The following MINDY4 variants were observed in gnomAD, a reference collection of about 807,000 sequenced individuals.
The protein encoded by MINDY4 is MINDY lysine 48 deubiquitinase 4.
In MINDY4, 68 loss-of-function variants were observed where a neutral mutation model predicts 87.0. The observed-to-expected ratio is 0.78, with a 90% CI of 0.64 to 0.96. The LOEUF (loss-of-function observed/expected upper bound fraction) is 0.96, where lower values mean the gene tolerates loss of function less well. Ranked by LOEUF, MINDY4 falls within the 40% of genes least tolerant of loss-of-function variation. MINDY4 has a pLI of 0.00. For synonymous variants in MINDY4, 379 were observed against 363.2 expected, an observed-to-expected ratio of 1.04 and a Z score of -0.50; for missense variants, 919 against 928.2, an observed-to-expected ratio of 0.99 and a Z score of 0.13.
At chr7:30,865,360 C>T (rs1403023074) in intron 13 of MINDY4, among the ~76,000 whole-genome samples, 1 of 152,248 alleles carries the variant, frequency 6.6e-6, no homozygotes, top group Non-Finnish European at 1.5e-5. Flanking sequence ...GCAGAGGCCC[C>T]ACTAATGAAG....
At chr7:30,795,216 A>G (rs77505573) in intron 5 of MINDY4, among the ~76,000 whole-genome samples, 12,654 of 152,252 alleles carry the variant, frequency 0.083, 859 homozygotes, top group South Asian at 0.17. Context: ...AACTCAAAAC[A>G]CACCATGCTG....
chr7:30,791,684 C>A, intron 5 of MINDY4, 110 bp downstream of exon 5: 1 of 1,184,714 alleles, frequency 8.4e-7, no homozygotes, highest in East Asian at 2.5e-5. Context: ...CTTGGTCTCT[C>A]AGAACAAGCC....
chr7:30,836,881 A>G (rs1170503382), intron 7 of MINDY4, 117 bp downstream of exon 7: 1 of 784,962 alleles, frequency 1.3e-6, no homozygotes, highest in African/African-American at 1.7e-5. Context: ...CATTGTTGAA[A>G]TGGAAATTTG....
chr7:30,840,732 C>T (rs372221260), intron 8 of MINDY4, 28 bp from the exon 9 acceptor site: 50 of 1,610,040 alleles, frequency 3.1e-5, no homozygotes, highest in Non-Finnish European at 4.0e-5. Context: ...CCAGTTCTCA[C>T]TGGCAGCAAT....
At chr7:30,867,173 G>T (rs1023015335) in intron 13 of MINDY4, among the ~76,000 whole-genome samples, 1 of 152,270 alleles carries the variant, frequency 6.6e-6, no homozygotes, top group Non-Finnish European at 1.5e-5. Context: ...ACACCCATTG[G>T]TTCTGACTCA....
chr7:30,863,688 C>T (rs1243950490), intron 13 of MINDY4, among the ~76,000 whole-genome samples: 2 of 152,180 alleles, frequency 1.3e-5, no homozygotes, highest in Admixed American at 1.3e-4. Context: ...CCGACCACTG[C>T]CTGCCTGGCC....
intron 9 of MINDY4, among the ~76,000 whole-genome samples, chr7:30,849,719 T>C (rs1789339008): frequency 6.6e-6 from 1 of 152,232 alleles, no homozygotes; most frequent in African/African-American, 2.4e-5. Context: ...GGGAAATCTG[T>C]GCCCAGCCCC....
intron 6 of MINDY4, among the ~76,000 whole-genome samples, chr7:30,832,417 A>G (rs75164019): frequency 0.034 from 5,128 of 152,284 alleles, 267 homozygotes; most frequent in African/African-American, 0.12. Context: ...CTAAGGTGGA[A>G]TTAATCACAC....
At chr7:30,853,307 T>C in intron 11 of MINDY4, 87 bp from the exon 12 acceptor site, 2 of 1,122,094 alleles carry the variant, frequency 1.8e-6, no homozygotes, top group East Asian at 2.5e-5. Context: ...ATTTTGTAGC[T>C]ACTAAAGCCA....
chr7:30,849,990 C>T (rs1013469492), intron 9 of MINDY4, among the ~76,000 whole-genome samples: 2 of 152,264 alleles, frequency 1.3e-5, no homozygotes, highest in South Asian at 4.1e-4. Flanking sequence ...CCCCTTGGCC[C>T]TGGCAGTGAA....
At chr7:30,858,785 C>G (rs1243212047) in intron 12 of MINDY4, 1 of 356,864 alleles carries the variant, frequency 2.8e-6, no homozygotes, top group African/African-American at 2.1e-5. Context: ...AGTAAGGGAT[C>G]TGGAATTAGA....
intron 2 of MINDY4, 34 bp downstream of exon 2, chr7:30,778,585 G>T (rs79584800): frequency 6.2e-7 from 1 of 1,613,266 alleles, no homozygotes; most frequent in African/African-American, 1.3e-5. Flanking sequence ...GTGGAGTCTT[G>T]GAACTGAGTT....
At chr7:30,840,928 A>G in intron 9 of MINDY4, 80 bp downstream of exon 9, 3 of 1,246,986 alleles carry the variant, frequency 2.4e-6, no homozygotes, top group Non-Finnish European at 2.3e-6. Flanking sequence ...GCAAGGAAGC[A>G]TGTGTGTTCC....
chr7:30,885,716 C>CA (rs749475603), intron 17 of MINDY4, among the ~76,000 whole-genome samples: 14 of 149,506 alleles, frequency 9.4e-5, no homozygotes, highest in Non-Finnish European at 1.9e-4. Flanking sequence ...ACCCCCCCCC[C>CA]AACCCTGCTG....
chr7:30,872,341 C>T (rs1790132525), intron 14 of MINDY4, 35 bp downstream of exon 14: 24 of 1,599,934 alleles, frequency 1.5e-5, no homozygotes, highest in East Asian at 4.5e-5. Context: ...GTGGTCCTTC[C>T]CCCTCCTCTG....
At chr7:30,798,337 T>G (rs935973919) in intron 5 of MINDY4, among the ~76,000 whole-genome samples, 7 of 152,170 alleles carry the variant, frequency 4.6e-5, no homozygotes, top group African/African-American at 1.7e-4. Flanking sequence ...ATGGATTGGA[T>G]GTGCTGTGTT....
At chr7:30,838,929 T>C (rs1327353951) in intron 7 of MINDY4, among the ~76,000 whole-genome samples, 1 of 152,212 alleles carries the variant, frequency 6.6e-6, no homozygotes, top group Non-Finnish European at 1.5e-5. Context: ...TCAAGGCCCC[T>C]GTAAGGAGCT....
chr7:30,875,861 C>T (rs1790241991), intron 15 of MINDY4, among the ~76,000 whole-genome samples: 1 of 152,196 alleles, frequency 6.6e-6, no homozygotes, highest in Non-Finnish European at 1.5e-5. Context: ...CCAGCTGATA[C>T]CGTGTTCTGG....
At chr7:30,791,855 T>G (rs780528499) in intron 5 of MINDY4, among the ~76,000 whole-genome samples, 5 of 152,126 alleles carry the variant, frequency 3.3e-5, no homozygotes, top group Non-Finnish European at 7.4e-5. Context: ...GTGCCACGCA[T>G]AAAATATACT....
Sources: gnomAD v4.1 joint callset for allele counts (sites outside exome capture counted in the v4.1 genomes callset) on GRCh38, gnomAD v4.1.1 for gene constraint, MANE v1.5 for transcripts, NCBI Gene and HGNC (gene_info 2026-07-23, HGNC 2026-07-21) for gene names.